Variants in LCE6A observed in about 807,000 individuals in gnomAD.
LCE6A encodes the protein late cornified envelope 6A.
For missense variants in LCE6A, 105 were observed against 95.3 expected, an observed-to-expected ratio of 1.10 and a Z score of -0.42; for synonymous variants, 38 against 35.2, an observed-to-expected ratio of 1.08 and a Z score of -0.28.
Position 152,843,969 on chromosome 1 carries a change from G to C in LCE6A, c.*206G>C. 4.0e-6 allele frequency: 2 copies of C among 499,360 alleles called. No homozygotes were observed. The highest frequency in any genetic ancestry group is 7.0e-6 in the Non-Finnish European group (2 of 285,108). The allele number at this position is 499,360 out of a possible 1,614,324, so 30.9% of individuals were successfully genotyped here. A position where few individuals can be genotyped will look rare whatever the true frequency, so the allele number is the denominator to read the frequency against. On this transcript the variant is annotated 3_prime_UTR_variant, in exon 2 of 2. Coordinates refer to ENST00000431011, the MANE Select transcript of LCE6A (RefSeq NM_001128600.2). ...ACCCCTTCAGCTCAGCAACAATAAA[G>C]CTGCTTTACTTGGAGCCCTGACTTC...
chr1:152,843,594 C>G lies in LCE6A; in HGVS notation c.74C>G (p.Pro25Arg), dbSNP rs1647911644. 1 of 1,551,356 alleles carries G rather than the reference C, an allele frequency of 6.4e-7. No individual in the cohort carries two copies. The highest frequency in any genetic ancestry group is 1.4e-5 in the African/African-American group (1 of 72,990). ...PKCSPPQRSN[P>R]CLAPYSTPCG... is the part of the protein sequence containing the mutation. Reference sequence around the variant, plus strand: ...TGCTCCCCTCCCCAAAGATCAAACCCCTGCCTAGCTCCCTACTCGACTCCT... The same window carrying G: ...TGCTCCCCTCCCCAAAGATCAAACCGCTGCCTAGCTCCCTACTCGACTCCT... The change falls in exon 2 of 2, where the codon CCC (proline) becomes CGC (arginine). Residue 25 changes from proline to arginine, a missense_variant. By Grantham distance (103) the Pro-to-Arg change is moderately radical. Coordinates refer to ENST00000431011, the MANE Select transcript of LCE6A (RefSeq NM_001128600.2).
chr1:152,843,946 C>T lies in LCE6A; in HGVS notation c.*183C>T. The T allele has an allele frequency of 1.7e-6, 1 of 597,154 alleles. No homozygotes were observed. The highest frequency in any genetic ancestry group is 3.0e-5 in the East Asian group (1 of 32,882). 37.0% of individuals were successfully genotyped at this position (597,154 alleles called of 1,614,324 possible). A position where few individuals can be genotyped will look rare whatever the true frequency, so the allele number is the denominator to read the frequency against. On this transcript the variant is annotated 3_prime_UTR_variant, in exon 2 of 2. Coordinates refer to ENST00000431011, the MANE Select transcript of LCE6A (RefSeq NM_001128600.2). ...GCTGCTACTGCTCTCTTCCATTCAC[C>T]CCTTCAGCTCAGCAACAATAAAGCT...
chr1:152,843,718 G>A lies in LCE6A; in HGVS notation c.198G>A (p.Arg66=), dbSNP rs371590388. Residue 66 remains arginine, a synonymous_variant, in exon 2 of 2, where the codon AGG becomes AGA. Coordinates refer to ENST00000431011, the MANE Select transcript of LCE6A (RefSeq NM_001128600.2). ...GTCAAAAGCTGCGCTGCCTAAGTAG[G>A]GGCACAACCTACCACTGCAAAGAGG... ...RARQKLRCLS[R]GTTYHCKEEE... 62 of 1,551,350 alleles carry A rather than the reference G, an allele frequency of 4.0e-5. No homozygotes were observed. In the African/African-American group the frequency reaches 7.2e-4, roughly 18 times the overall value.
At position 152,843,398 on chromosome 1, in the gene LCE6A, G is replaced by A. The variant is rs376646118; in HGVS notation, c.-21-102G>A. The A allele has an allele frequency of 3.9e-6, 4 of 1,015,860 alleles. No individual in the cohort carries two copies. The South Asian group carries it at 5.8e-5, about 15-fold the overall frequency. The allele number at this position is 1,015,860 out of a possible 1,614,324, so 62.9% of individuals were successfully genotyped here. On this transcript the variant is annotated intron_variant, in intron 1 of 1. Transcript: ENST00000431011. ...TCTCCTCCTGAGATGGAGTTCAGTG[G>A]GTTGTAAATGCTGGACTTCATTTTT...
In LCE6A at chr1:152,843,704, C is replaced by G. The variant is rs753644002; in HGVS notation, c.184C>G (p.Arg62Gly). The G allele has an allele frequency of 1.9e-6, 3 of 1,551,412 alleles. No homozygotes were observed. The highest frequency in any genetic ancestry group is 3.9e-5 in the Admixed American group (2 of 50,976). Reference protein sequence around the residue: ...QKPRRARQKLRCLSRGTTYHC... With the variant: ...QKPRRARQKLGCLSRGTTYHC... ...GCCTAGGAGGGCTCGTCAAAAGCTG[C>G]GCTGCCTAAGTAGGGGCACAACCTA... The change falls in exon 2 of 2, where the codon CGC becomes GGC. Residue 62 changes from arginine (R) to glycine (G), a missense_variant. Arg to Gly is a moderately radical substitution (Grantham distance 125). Coordinates refer to ENST00000431011, the MANE Select transcript of LCE6A (RefSeq NM_001128600.2).
chr1:152,843,258 G>A (rs1479296423), intron 1 of LCE6A, among the ~76,000 whole-genome samples: 4 of 150,404 alleles, frequency 2.7e-5, no homozygotes, highest in Non-Finnish European at 5.9e-5. Flanking sequence ...GCTCAACTAA[G>A]TACAATTTGT....
chr1:152,843,468 C>G lies in LCE6A; in HGVS notation c.-21-32C>G. 5.5e-6 allele frequency: 8 copies of G among 1,464,068 alleles called. No individual in the cohort carries two copies. The South Asian group carries it at 1.2e-4, about 21-fold the overall frequency. 90.7% of individuals were successfully genotyped at this position (1,464,068 alleles called of 1,614,324 possible). A position where few individuals can be genotyped will look rare whatever the true frequency, so the allele number is the denominator to read the frequency against. ...GGAGAGAAACAGAAGCCCAAGCTGC[C>G]TGGGTCCCTGATATAACTATTTTTC... On this transcript the variant is annotated intron_variant, in intron 1 of 1. Transcript: ENST00000431011.
intron 1 of LCE6A, 43 bp from the exon 2 acceptor site, chr1:152,843,457 G>A: frequency 6.9e-7 from 1 of 1,449,630 alleles, no homozygotes; most frequent in East Asian, 2.5e-5. Context: ...AGAAACAGAA[G>A]CCCAAGCTGC....
Position 152,843,764 on chromosome 1 carries a change from G to A in LCE6A, c.*1G>A. On this transcript the variant is annotated 3_prime_UTR_variant, in exon 2 of 2. Coordinates refer to ENST00000431011, the MANE Select transcript of LCE6A (RefSeq NM_001128600.2). ...AGAGGAAGAGTGTGAAGGCGACTGA[G>A]CCCAGAAGAGTTGAGGCACAGGTGC... 1 of 1,544,832 alleles carries A rather than the reference G, an allele frequency of 6.5e-7. No homozygotes were observed. Among genetic ancestry groups the A allele is most frequent in the Non-Finnish European group, 8.7e-7 (1 of 1,143,028 alleles).
rs759339315 is a variant in LCE6A at position 152,843,015 on chromosome 1, G to A, written c.-22+4G>A. The A allele has an allele frequency of 1.3e-5, 2 of 152,610 alleles. No homozygotes were observed. The highest frequency in any genetic ancestry group is 2.9e-5 in the Non-Finnish European group (2 of 68,390). 9.5% of individuals were successfully genotyped at this position (152,610 alleles called of 1,614,324 possible). A position where few individuals can be genotyped will look rare whatever the true frequency, so the allele number is the denominator to read the frequency against. Reference sequence around the variant, plus strand: ...TCCCAGGGAGCTGAAAAGCCAGGTAGGAGATGCTTGGGGTAGAAAGAAGGG... The same window carrying A: ...TCCCAGGGAGCTGAAAAGCCAGGTAAGAGATGCTTGGGGTAGAAAGAAGGG... On this transcript the variant is annotated splice_donor_region_variant and intron_variant, in intron 1 of 1. Coordinates refer to ENST00000431011, the MANE Select transcript of LCE6A (RefSeq NM_001128600.2).
rs1384575168 is a variant in LCE6A at position 152,843,615 on chromosome 1, C to T, written c.95C>T (p.Thr32Ile). The T allele has an allele frequency of 3.9e-6, 6 of 1,551,614 alleles. No individual in the cohort carries two copies. The South Asian group carries it at 5.9e-5, about 15-fold the overall frequency. Residue 32 changes from threonine to isoleucine, a missense_variant, in exon 2 of 2, where the codon ACT becomes ATT. Thr to Ile is a moderately conservative substitution (Grantham distance 89). Transcript: ENST00000431011. Reference protein sequence around the residue: ...RSNPCLAPYSTPCGAPHSEGC... With the variant: ...RSNPCLAPYSIPCGAPHSEGC... ...AACCCCTGCCTAGCTCCCTACTCGA[C>T]TCCTTGTGGTGCTCCCCATTCAGAA...
chr1:152,843,361 C>T, intron 1 of LCE6A, 139 bp from the exon 2 acceptor site: 1 of 649,968 alleles, frequency 1.5e-6, no homozygotes. Flanking sequence ...TTAGTCCTTT[C>T]AAGTCCGTTT....
At position 152,843,617 on chromosome 1, in the gene LCE6A, C is replaced by T. The variant is rs1246023365; in HGVS notation, c.97C>T (p.Pro33Ser). Residue 33 changes from proline (P) to serine (S), a missense_variant, in exon 2 of 2, where the codon CCT (proline) becomes TCT (serine). Pro to Ser is a moderately conservative substitution (Grantham distance 74, BLOSUM62 -1). Coordinates refer to ENST00000431011, the MANE Select transcript of LCE6A (RefSeq NM_001128600.2). Reference protein sequence around the residue: ...SNPCLAPYSTPCGAPHSEGCH... With the variant: ...SNPCLAPYSTSCGAPHSEGCH... Reference sequence around the variant, plus strand: ...CCCCTGCCTAGCTCCCTACTCGACTCCTTGTGGTGCTCCCCATTCAGAAGG... The same window carrying T: ...CCCCTGCCTAGCTCCCTACTCGACTTCTTGTGGTGCTCCCCATTCAGAAGG... 1 of 1,551,628 alleles carries T rather than the reference C, an allele frequency of 6.4e-7. No individual in the cohort carries two copies. Among genetic ancestry groups the T allele is most frequent in the Admixed American group, 2.0e-5 (1 of 51,006 alleles).
Position 152,843,503 on chromosome 1 carries a change from C to A in LCE6A, c.-18C>A. On this transcript the variant is annotated 5_prime_UTR_variant, in exon 2 of 2. Coordinates refer to ENST00000431011, the MANE Select transcript of LCE6A (RefSeq NM_001128600.2). ...GATATAACTATTTTTCTTCCAGATT[C>A]GACCTGGTAGCCAAGCAATGTCACA... The A allele has an allele frequency of 6.6e-7, 1 of 1,506,486 alleles. No individual in the cohort carries two copies. Among genetic ancestry groups the A allele is most frequent in the South Asian group, 1.3e-5 (1 of 77,840 alleles). 93.3% of individuals were successfully genotyped at this position (1,506,486 alleles called of 1,614,324 possible). A position where few individuals can be genotyped will look rare whatever the true frequency, so the allele number is the denominator to read the frequency against.
chr1:152,843,954 C>A lies in LCE6A; in HGVS notation c.*191C>A. On this transcript the variant is annotated 3_prime_UTR_variant, in exon 2 of 2. Coordinates refer to ENST00000431011, the MANE Select transcript of LCE6A (RefSeq NM_001128600.2). ...TGCTCTCTTCCATTCACCCCTTCAG[C>A]TCAGCAACAATAAAGCTGCTTTACT... The A allele has an allele frequency of 1.8e-6, 1 of 563,700 alleles. No homozygotes were observed. The highest frequency in any genetic ancestry group is 3.0e-6 in the Non-Finnish European group (1 of 330,102). 34.9% of individuals were successfully genotyped at this position (563,700 alleles called of 1,614,324 possible).
In LCE6A at chr1:152,843,621, G is replaced by T. The variant is rs1217947369; in HGVS notation, c.101G>T (p.Cys34Phe). Reference protein sequence around the residue: ...NPCLAPYSTPCGAPHSEGCHS... With the variant: ...NPCLAPYSTPFGAPHSEGCHS... ...TGCCTAGCTCCCTACTCGACTCCTTGTGGTGCTCCCCATTCAGAAGGTTGT... is the reference window on the plus strand; with the variant it reads ...TGCCTAGCTCCCTACTCGACTCCTTTTGGTGCTCCCCATTCAGAAGGTTGT... Residue 34 changes from cysteine (C) to phenylalanine (F), a missense_variant, in exon 2 of 2, where the codon TGT (cysteine) becomes TTT (phenylalanine). Physicochemically the swap from Cys to Phe is radical, Grantham distance 205 (BLOSUM62 -2). Transcript: ENST00000431011. 1 of 1,551,442 alleles carries T rather than the reference G, an allele frequency of 6.4e-7. No individual in the cohort carries two copies. Among genetic ancestry groups the T allele is most frequent in the African/African-American group, 1.4e-5 (1 of 73,000 alleles).
Position 152,843,727 on chromosome 1 carries a change from C to A in LCE6A, c.207C>A (p.Thr69=), listed in dbSNP as rs779710495. Residue 69 remains threonine, a synonymous_variant, in exon 2 of 2, where the codon ACC becomes ACA. Transcript: ENST00000431011. ...TGCGCTGCCTAAGTAGGGGCACAAC[C>A]TACCACTGCAAAGAGGAAGAGTGTG... is the stretch of plus-strand genomic sequence containing the variant. The part of the protein sequence containing the change: ...QKLRCLSRGT[T]YHCKEEECEG... The A allele has an allele frequency of 3.1e-5, 48 of 1,551,180 alleles. No individual in the cohort carries two copies. In the African/African-American group the frequency reaches 4.8e-4, roughly 15 times the overall value.
rs1446712580 is a variant in LCE6A at position 152,843,629 on chromosome 1, C to G, written c.109C>G (p.Pro37Ala). Residue 37 changes from proline to alanine, a missense_variant, in exon 2 of 2, where the codon CCC (proline) becomes GCC (alanine). Physicochemically the swap from Pro to Ala is conservative, Grantham distance 27. Transcript: ENST00000431011. ...LAPYSTPCGA[P>A]HSEGCHSSSQ... ...TCCCTACTCGACTCCTTGTGGTGCT[C>G]CCCATTCAGAAGGTTGTCATTCCAG... 6.4e-7 allele frequency: 1 copy of G among 1,551,596 alleles called. No homozygotes were observed. Among genetic ancestry groups the G allele is most frequent in the Admixed American group, 2.0e-5 (1 of 50,990 alleles).
chr1:152,843,463 G>A (rs1033985997), intron 1 of LCE6A, 37 bp from the exon 2 acceptor site: 10 of 1,455,212 alleles, frequency 6.9e-6, no homozygotes, highest in Non-Finnish European at 9.1e-6. Context: ...AGAAGCCCAA[G>A]CTGCCTGGGT....
Sources: allele counts gnomAD v4.1 joint callset (sites outside exome capture counted in the v4.1 genomes callset), GRCh38; gene constraint gnomAD v4.1.1; transcripts MANE v1.5; gene names NCBI Gene and HGNC (gene_info 2026-07-23, HGNC 2026-07-21).